GLYATL3: variants seen among roughly 807,000 people sequenced by gnomAD.
The protein encoded by GLYATL3 is glycine-N-acyltransferase like 3.
In GLYATL3, 31 loss-of-function variants were observed where a neutral mutation model predicts 28.5. The observed-to-expected ratio is 1.09, with a 90% CI of 0.82 to 1.47. The LOEUF is 1.47. Among genes scored for constraint, GLYATL3 ranks in the 40% most tolerant of loss-of-function variants. The pLI is 0.00. For missense variants in GLYATL3, 369 were observed against 351.5 expected (o/e 1.05, Z -0.40); for synonymous variants, 141 against 140.2 (o/e 1.01, Z -0.04).
At chr6:49,507,176 C>T (rs1324881999) in intron 1 of GLYATL3, among the ~76,000 whole-genome samples, 1 of 152,070 alleles carries the variant, frequency 6.6e-6, no homozygotes, top group African/African-American at 2.4e-5. Context: ...GTAGGGGGGT[C>T]AGCTACCCAA....
chr6:49,500,600 G>A (rs1768895788), intron 1 of GLYATL3, among the ~76,000 whole-genome samples: 1 of 152,002 alleles, frequency 6.6e-6, no homozygotes, highest in South Asian at 2.1e-4. Flanking sequence ...ACACTCAAAT[G>A]CCCCCAAAGA....
At chr6:49,520,598 A>G (rs9381794) in intron 4 of GLYATL3, among the ~76,000 whole-genome samples, 35,413 of 152,150 alleles carry the variant, frequency 0.23, 5,233 homozygotes, top group Middle Eastern at 0.35. Flanking sequence ...GCCATTAGTC[A>G]TGGGAAGAGG....
chr6:49,523,020 C>T (rs1480229466), intron 5 of GLYATL3, among the ~76,000 whole-genome samples: 1 of 151,898 alleles, frequency 6.6e-6, no homozygotes, highest in Non-Finnish European at 1.5e-5. Context: ...GGATATTACT[C>T]CTGTGTCCGA....
intron 2 of GLYATL3, among the ~76,000 whole-genome samples, chr6:49,515,371 G>A (rs572230016): frequency 2.0e-5 from 3 of 152,246 alleles, no homozygotes; most frequent in Admixed American, 1.3e-4. Flanking sequence ...CACCTAGTAA[G>A]CCTATGAATT....
Position 49,526,960 on chromosome 6 carries a change from A to G in GLYATL3, c.*46A>G, listed in dbSNP as rs1325375359. On this transcript the variant is annotated 3_prime_UTR_variant, in exon 6 of 6. Coordinates refer to ENST00000371197, the MANE Select transcript of GLYATL3 (RefSeq NM_001010904.2). ...GTTTTATTACTTTCCCTGAGCATAC[A>G]CACACTCTTGGCTGCCAACGAGGGG... 4.4e-6 allele frequency: 6 copies of G among 1,366,910 alleles called. No homozygotes were observed. In the Middle Eastern group the frequency reaches 5.6e-4, roughly 127 times the overall value. 84.7% of individuals were successfully genotyped at this position (1,366,910 alleles called of 1,614,324 possible).
In GLYATL3 at chr6:49,514,003, C is replaced by G. The variant is rs577211274; in HGVS notation, c.79-1650C>G. On this transcript the variant is annotated intron_variant, in intron 2 of 5. Transcript: ENST00000371197. ...GGTTCCAATGTCCTTATAAACAAAACAAAGCAAAACAAAGTCCATTGAAAT... is the reference window on the plus strand; with the variant it reads ...GGTTCCAATGTCCTTATAAACAAAAGAAAGCAAAACAAAGTCCATTGAAAT... 3.3e-5 allele frequency among the ~76,000 whole-genome samples: 5 copies of G among 152,126 alleles called. No individual in the cohort carries two copies. The South Asian group carries it at 8.3e-4, about 25-fold the overall frequency.
intron 2 of GLYATL3, among the ~76,000 whole-genome samples, chr6:49,512,467 G>A (rs1769140972): frequency 6.6e-6 from 1 of 151,614 alleles, no homozygotes; most frequent in Non-Finnish European, 1.5e-5. Context: ...TCACCCCCTG[G>A]AAACTACACT....
At chr6:49,500,470 A>G (rs1312306051) in intron 1 of GLYATL3, among the ~76,000 whole-genome samples, 2 of 152,224 alleles carry the variant, frequency 1.3e-5, no homozygotes, top group Admixed American at 6.5e-5. Context: ...TTACAAAAAC[A>G]GAGATCTTAT....
chr6:49,525,472 G>A (rs1180685315), intron 5 of GLYATL3, among the ~76,000 whole-genome samples: 3 of 147,334 alleles, frequency 2.0e-5, no homozygotes, highest in Non-Finnish European at 3.0e-5. Context: ...GCTGAGATAC[G>A]AGAATCGCTT....
intron 1 of GLYATL3, among the ~76,000 whole-genome samples, chr6:49,503,401 G>C (rs1768948580): frequency 6.6e-6 from 1 of 152,212 alleles, no homozygotes; most frequent in Non-Finnish European, 1.5e-5. Context: ...GGTCCTAAGT[G>C]GGGAACAATG....
chr6:49,517,853 G>T (rs1474164575), intron 4 of GLYATL3, among the ~76,000 whole-genome samples: 3 of 152,054 alleles, frequency 2.0e-5, no homozygotes, highest in Non-Finnish European at 2.9e-5. Flanking sequence ...AATATGGATG[G>T]ATATCAGTGA....
At chr6:49,501,239 T>TA (rs1768907483) in intron 1 of GLYATL3, among the ~76,000 whole-genome samples, 2 of 141,162 alleles carry the variant, frequency 1.4e-5, no homozygotes, top group Admixed American at 1.4e-4. Flanking sequence ...CCATCTCTAC[T>TA]AAAAATATAA....
At chr6:49,508,870 A>G (rs1326576142) in intron 1 of GLYATL3, among the ~76,000 whole-genome samples, 1 of 151,990 alleles carries the variant, frequency 6.6e-6, no homozygotes, top group East Asian at 1.9e-4. Flanking sequence ...CCAGCTACTC[A>G]GGAGGCTGAG....
At chr6:49,523,266 G>C (rs146421658) in intron 5 of GLYATL3, among the ~76,000 whole-genome samples, 6 of 152,310 alleles carry the variant, frequency 3.9e-5, no homozygotes, top group African/African-American at 1.4e-4. Flanking sequence ...AATGATATGT[G>C]TAAAACGTTT....
chr6:49,501,312 C>T (rs550634537), intron 1 of GLYATL3, among the ~76,000 whole-genome samples: 23 of 152,210 alleles, frequency 1.5e-4, no homozygotes, highest in African/African-American at 4.6e-4. Flanking sequence ...CGCAATGCAA[C>T]GGGGCTCTCT....
chr6:49,510,337 C>T (rs1769099369), intron 1 of GLYATL3, among the ~76,000 whole-genome samples: 1 of 152,094 alleles, frequency 6.6e-6, no homozygotes, highest in African/African-American at 2.4e-5. Context: ...ACACCACGCC[C>T]AGCCTAAGTA....
intron 1 of GLYATL3, among the ~76,000 whole-genome samples, chr6:49,500,696 T>A (rs1287202178): frequency 2.0e-5 from 3 of 152,184 alleles, no homozygotes; most frequent in African/African-American, 7.2e-5. Flanking sequence ...TATAATTTGG[T>A]TAAAGGAGTT....
At chr6:49,516,884 G>A (rs9395501) in intron 3 of GLYATL3, among the ~76,000 whole-genome samples, 35,322 of 151,278 alleles carry the variant, frequency 0.23, 5,210 homozygotes, top group Middle Eastern at 0.36. Flanking sequence ...TCAGCTGAGC[G>A]CGGTGGCTCA....
In GLYATL3 at chr6:49,521,797, G is replaced by A. The variant is rs1268143148; in HGVS notation, c.440+26G>A. 20 of 1,546,534 alleles carry A rather than the reference G, an allele frequency of 1.3e-5. No homozygotes were observed. The East Asian group carries it at 4.9e-4, about 38-fold the overall frequency. On this transcript the variant is annotated intron_variant, in intron 5 of 5. Coordinates refer to ENST00000371197, the MANE Select transcript of GLYATL3 (RefSeq NM_001010904.2). ...GTATGTAAACCAAGTTTTTGCATTT[G>A]GGGCAGGACTTACTGCTATAGAAGT...
Sources: gnomAD v4.1 joint callset for allele counts (sites outside exome capture counted in the v4.1 genomes callset) on GRCh38, gnomAD v4.1.1 for gene constraint, MANE v1.5 for transcripts, NCBI Gene and HGNC (gene_info 2026-07-23, HGNC 2026-07-21) for gene names.